AHCTF1: variants seen among roughly 807,000 people sequenced by gnomAD.
AHCTF1 encodes the protein protein ELYS.
Under a neutral mutation model 248.4 loss-of-function variants are expected in AHCTF1, and 24 were observed. That is an observed-to-expected ratio of 0.10 (90% confidence interval 0.07 to 0.14). AHCTF1 has a LOEUF of 0.14. Among genes scored for constraint, AHCTF1 ranks in the 10% least tolerant of loss-of-function variants. AHCTF1 has a pLI of 1.00. For missense variants in AHCTF1, 2,206 were observed against 2,636.2 expected (o/e 0.84, Z 3.57); for synonymous variants, 786 against 929.8 (o/e 0.85, Z 2.81).
intron 13 of AHCTF1, 53 bp from the exon 14 acceptor site, chr1:246,894,801 G>A (rs1664453774): frequency 2.0e-6 from 3 of 1,472,782 alleles, no homozygotes; most frequent in Non-Finnish European, 2.8e-6. Flanking sequence ...TACAAACAGA[G>A]TTCTAAATTG....
intron 4 of AHCTF1, 23 bp downstream of exon 4, chr1:246,913,209 G>A: frequency 2.0e-6 from 3 of 1,493,886 alleles, no homozygotes; most frequent in Non-Finnish European, 2.7e-6. Flanking sequence ...TCCATTTTTG[G>A]TTTCAAGTAA....
At chr1:246,885,346 A>G (rs1663741094) in intron 21 of AHCTF1, 147 bp downstream of exon 21, 2 of 610,826 alleles carry the variant, frequency 3.3e-6, no homozygotes, top group Non-Finnish European at 2.7e-6. Flanking sequence ...CTGTATTTTC[A>G]ATCTGAATTT....
chr1:246,858,336 A>G (rs915741610), intron 29 of AHCTF1, among the ~76,000 whole-genome samples: 2 of 152,160 alleles, frequency 1.3e-5, no homozygotes, highest in African/African-American at 4.8e-5. Context: ...TTTGCTGAAC[A>G]GGCACTAATG....
At chr1:246,925,519 C>T (rs1318617400) in intron 1 of AHCTF1, among the ~76,000 whole-genome samples, 1 of 152,198 alleles carries the variant, frequency 6.6e-6, no homozygotes, top group Admixed American at 6.5e-5. Flanking sequence ...CTCTGGGAAG[C>T]TCAGGCGGAA....
chr1:246,900,019 T>C (rs1425087164), intron 10 of AHCTF1, 46 bp downstream of exon 10: 1 of 1,523,252 alleles, frequency 6.6e-7, no homozygotes, highest in South Asian at 1.2e-5. Context: ...TTTACATACT[T>C]TTGTGCATTA....
In AHCTF1 at chr1:246,869,889, T is replaced by C. The variant is rs112419962; in HGVS notation, c.3089-2078A>G. Among the ~76,000 whole-genome samples the C allele has an allele frequency of 4.6e-3, 695 of 152,222 alleles. 2 individuals are homozygous for C. The highest frequency in any genetic ancestry group is 0.016 in the African/African-American group (654 of 41,552). On this transcript the variant is annotated intron_variant, in intron 24 of 35. Transcript: ENST00000648844. ...TTCAAGATATAATTTAGAAATACAT[T>C]TCATAAAGCTATAGCTGTCACAGAT...
At chr1:246,900,011 T>C in intron 10 of AHCTF1, 54 bp downstream of exon 10, 1 of 1,496,402 alleles carries the variant, frequency 6.7e-7, no homozygotes. Flanking sequence ...CGTATACATT[T>C]ACATACTTTT....
chr1:246,891,785 C>T lies in AHCTF1; in HGVS notation c.1939G>A (p.Glu647Lys). ...GATAAAACAAAGAGCGTACCTCTCT[C>T]AGTGATCTCTCGGGCTTCTGATGCA... ...CFASEAREITERGLIDLSNKF... is the reference protein window; with the variant it reads ...CFASEAREITKRGLIDLSNKF... Residue 647 changes from glutamate (E) to lysine (K), a missense_variant, in exon 15 of 36, where the codon GAG (glutamate) becomes AAG (lysine). Physicochemically the swap from Glu to Lys is moderately conservative, Grantham distance 56. Transcript: ENST00000648844. The T allele has an allele frequency of 2.5e-6, 4 of 1,609,838 alleles. No homozygotes were observed. The highest frequency in any genetic ancestry group is 3.4e-6 in the Non-Finnish European group (4 of 1,179,010).
chr1:246,905,688 A>G (rs1377120141), intron 5 of AHCTF1, 31 bp from the exon 6 acceptor site: 1 of 1,551,800 alleles, frequency 6.4e-7, no homozygotes. Flanking sequence ...TCATATTTTT[A>G]AGTTATTTTT....
At chr1:246,849,444 A>T (rs943153207) in intron 33 of AHCTF1, among the ~76,000 whole-genome samples, 171 bp downstream of exon 33, 2 of 152,254 alleles carry the variant, frequency 1.3e-5, no homozygotes, top group Non-Finnish European at 2.9e-5. Context: ...TGAATAACTG[A>T]ACTCAAACTT....
intron 24 of AHCTF1, among the ~76,000 whole-genome samples, chr1:246,874,585 C>T (rs1662810221): frequency 6.6e-6 from 1 of 152,092 alleles, no homozygotes; most frequent in Non-Finnish European, 1.5e-5. Flanking sequence ...TGCCAGGCTG[C>T]CTTGGATTCC....
chr1:246,912,363 A>G (rs951846519), intron 4 of AHCTF1, among the ~76,000 whole-genome samples: 5 of 151,774 alleles, frequency 3.3e-5, no homozygotes, highest in African/African-American at 4.8e-5. Context: ...TGTGCCTGTA[A>G]TCTCAGCTAC....
chr1:246,880,324 G>A (rs1440037385), intron 21 of AHCTF1, among the ~76,000 whole-genome samples: 1 of 151,652 alleles, frequency 6.6e-6, no homozygotes, highest in Non-Finnish European at 1.5e-5. Context: ...CAGCACTTTG[G>A]GAGCCCGAGG....
At chr1:246,868,906 G>T (rs540809075) in intron 24 of AHCTF1, among the ~76,000 whole-genome samples, 4 of 148,078 alleles carry the variant, frequency 2.7e-5, no homozygotes, top group African/African-American at 5.1e-5. Flanking sequence ...GTGCAGTGGT[G>T]TGATCTCGGC....
intron 1 of AHCTF1, among the ~76,000 whole-genome samples, chr1:246,921,754 A>G (rs1169461631): frequency 6.6e-6 from 1 of 152,222 alleles, no homozygotes; most frequent in East Asian, 1.9e-4. Flanking sequence ...AACTGCCAAC[A>G]TAATTATATA....
intron 4 of AHCTF1, among the ~76,000 whole-genome samples, chr1:246,911,479 C>CTTTTTTT (rs35320501): frequency 4.3e-4 from 43 of 99,460 alleles, no homozygotes; most frequent in Middle Eastern, 6.9e-3. Flanking sequence ...TATGAAGATT[C>CTTTTTTT]TTTTTTTTTT....
intron 21 of AHCTF1, among the ~76,000 whole-genome samples, chr1:246,882,393 C>T (rs1238000808): frequency 6.6e-6 from 1 of 152,114 alleles, no homozygotes; most frequent in Admixed American, 6.5e-5. Context: ...TAGAAACCAA[C>T]AACACAATTT....
Position 246,894,660 on chromosome 1 carries a change from T to A in AHCTF1, c.1803A>T (p.Leu601=). ...VVLTKEEFDR[L]CVPLFDGSCH... is the part of the protein sequence containing the mutation. ...TACATCTAGACCTCTAATACTTACATAGTCTGTCAAATTCCTCTTTTGTGA... is the reference window on the plus strand; with the variant it reads ...TACATCTAGACCTCTAATACTTACAAAGTCTGTCAAATTCCTCTTTTGTGA... Residue 601 remains leucine (L), a splice_region_variant and synonymous_variant, in exon 14 of 36, where the codon CTA becomes CTT. Coordinates refer to ENST00000648844, the MANE Select transcript of AHCTF1 (RefSeq NM_001323342.2). 5.0e-6 allele frequency: 8 copies of A among 1,611,290 alleles called. No homozygotes were observed. Among genetic ancestry groups the A allele is most frequent in the Non-Finnish European group, 6.8e-6 (8 of 1,178,720 alleles).
In AHCTF1 at chr1:246,861,013, G is replaced by C; in HGVS notation, c.4018C>G (p.Pro1340Ala). ...LEETVFTASK[P>A]KSSSTALTTN... is the part of the protein sequence containing the mutation. The stretch of plus-strand genomic sequence containing the variant: ...GTTAGTGCAGTGGAAGAGCTTTTGG[G>C]CTTAGAGGCCGTGAAAACAGTCTCT... The change falls in exon 29 of 36, where the codon CCC (proline) becomes GCC (alanine). Residue 1340 changes from proline (P) to alanine (A), a missense_variant. Transcript: ENST00000648844. The C allele has an allele frequency of 6.2e-7, 1 of 1,613,910 alleles. No individual in the cohort carries two copies. Among genetic ancestry groups the C allele is most frequent in the Non-Finnish European group, 8.5e-7 (1 of 1,179,856 alleles).
Sources: gnomAD v4.1 joint callset for allele counts (sites outside exome capture counted in the v4.1 genomes callset) on GRCh38, gnomAD v4.1.1 for gene constraint, MANE v1.5 for transcripts, NCBI Gene and HGNC (gene_info 2026-07-23, HGNC 2026-07-21) for gene names.